Variants in TMEM117 observed in about 807,000 individuals in gnomAD.
The protein encoded by TMEM117 is transmembrane protein 117.
Under a neutral mutation model 52.4 loss-of-function variants are expected in TMEM117, and 27 were observed. The observed-to-expected ratio is 0.51, with a 90% CI of 0.38 to 0.71. TMEM117 has a LOEUF of 0.71. TMEM117 is among the 30% of genes least tolerant of loss of function. TMEM117 has a pLI of 0.00. For missense variants in TMEM117, 556 were observed against 630.5 expected, an observed-to-expected ratio of 0.88 and a Z score of 1.26; for synonymous variants, 215 against 206.3, an observed-to-expected ratio of 1.04 and a Z score of -0.36.
chr12:43,867,111 A>G (rs1943615349), intron 2 of TMEM117, among the ~76,000 whole-genome samples: 1 of 152,190 alleles, frequency 6.6e-6, no homozygotes, highest in Non-Finnish European at 1.5e-5. Context: ...AAAAAAAGAA[A>G]AGACAACAAT....
At chr12:44,032,799 G>A (rs1026819031) in intron 3 of TMEM117, among the ~76,000 whole-genome samples, 3 of 152,126 alleles carry the variant, frequency 2.0e-5, no homozygotes, top group Non-Finnish European at 4.4e-5. Context: ...CCCTAATAGT[G>A]AGGTAGGAAT....
chr12:43,816,606 G>T, the TMEM117 span, among the ~76,000 whole-genome samples: 5 of 152,222 alleles, frequency 3.3e-5, no homozygotes, highest in Admixed American at 3.3e-4. Context: ...TGGCAGAACA[G>T]GGATTTTGAT....
chr12:44,296,754 C>A (rs781679642), intron 5 of TMEM117, among the ~76,000 whole-genome samples: 9 of 152,280 alleles, frequency 5.9e-5, no homozygotes, highest in Non-Finnish European at 7.4e-5. Flanking sequence ...AATTACAGGG[C>A]CTCTTTATGG....
rs74450261 is a variant in TMEM117, at chr12:44,120,044, A to C, written c.411-23481A>C. ...AATGGGAACTTTAGGCCTTGAAGAG[A>C]GAGAGAACTCAAAGGAGAGGTTAGA... On this transcript the variant is annotated intron_variant, in intron 3 of 7. Coordinates refer to ENST00000266534, the MANE Select transcript of TMEM117 (RefSeq NM_032256.3). 1.4e-3 allele frequency among the ~76,000 whole-genome samples: 211 copies of C among 152,210 alleles called. 3 individuals are homozygous for C. The East Asian group carries it at 0.033, about 24-fold the overall frequency.
intron 5 of TMEM117, among the ~76,000 whole-genome samples, chr12:44,222,824 C>T (rs1949806500): frequency 1.3e-5 from 2 of 152,092 alleles, no homozygotes; most frequent in South Asian, 4.2e-4. Flanking sequence ...AACAGAATCC[C>T]CATTACATCT....
downstream of TMEM117, among the ~76,000 whole-genome samples, chr12:44,390,724 T>C (rs1952157467): frequency 6.6e-6 from 1 of 152,130 alleles, no homozygotes; most frequent in Non-Finnish European, 1.5e-5. Context: ...AAACAAGACT[T>C]CAGCCTTCTA....
the TMEM117 span, among the ~76,000 whole-genome samples, chr12:43,824,848 C>T: frequency 3.3e-5 from 5 of 152,292 alleles, no homozygotes; most frequent in Admixed American, 3.3e-4. Context: ...ATGGTGTGAA[C>T]CCGGGAGGCG....
intron 3 of TMEM117, among the ~76,000 whole-genome samples, chr12:44,029,850 C>T (rs56081380): frequency 0.095 from 14,380 of 152,050 alleles, 1,010 homozygotes; most frequent in African/African-American, 0.2. Context: ...AACTTTGCTG[C>T]AGTTCCCTGA....
chr12:44,342,876 T>C (rs528968200), intron 6 of TMEM117, among the ~76,000 whole-genome samples: 6 of 152,080 alleles, frequency 3.9e-5, no homozygotes, highest in Non-Finnish European at 7.4e-5. Context: ...TGTTTTTGTT[T>C]TTGTTTCTGA....
At chr12:44,045,304 T>TA (rs1319896192) in intron 3 of TMEM117, among the ~76,000 whole-genome samples, 3 of 152,168 alleles carry the variant, frequency 2.0e-5, no homozygotes, top group African/African-American at 7.2e-5. Context: ...GAGCCCTTGA[T>TA]ATGGCACCAT....
intron 2 of TMEM117, among the ~76,000 whole-genome samples, chr12:43,907,722 G>A (rs370067697): frequency 7.2e-5 from 11 of 151,890 alleles, no homozygotes; most frequent in South Asian, 4.2e-4. Context: ...GAGCTGATGC[G>A]ATCAACTGGA....
intron 2 of TMEM117, among the ~76,000 whole-genome samples, chr12:43,851,117 A>G (rs1000181993): frequency 1.3e-5 from 2 of 152,070 alleles, no homozygotes; most frequent in Admixed American, 6.6e-5. Context: ...TCCTTCATTT[A>G]TTTTGTTATG....
chr12:44,318,977 C>A (rs1046791027), intron 6 of TMEM117, among the ~76,000 whole-genome samples: 1 of 152,206 alleles, frequency 6.6e-6, no homozygotes, highest in Non-Finnish European at 1.5e-5. Context: ...CAAGCTAGGC[C>A]TGGCTACAAG....
chr12:44,223,012 CT>C (rs995373305), intron 5 of TMEM117, among the ~76,000 whole-genome samples: 3 of 148,142 alleles, frequency 2.0e-5, no homozygotes, highest in African/African-American at 7.5e-5. Flanking sequence ...AATTCAAAAA[CT>C]TTTCCTTTTT....
chr12:44,243,289 G>T (rs114428518), intron 5 of TMEM117, among the ~76,000 whole-genome samples: 1 of 151,716 alleles, frequency 6.6e-6, no homozygotes, highest in African/African-American at 2.4e-5. Flanking sequence ...ATCAGATTTA[G>T]GTCAGAATAG....
chr12:44,028,943 T>C (rs574975130), intron 3 of TMEM117, among the ~76,000 whole-genome samples: 10 of 152,148 alleles, frequency 6.6e-5, no homozygotes, highest in Middle Eastern at 3.4e-3. Context: ...TAACTTTGGG[T>C]AAGTGGTGGG....
intron 6 of TMEM117, among the ~76,000 whole-genome samples, chr12:44,341,969 C>T (rs994146210): frequency 3.9e-5 from 6 of 152,108 alleles, no homozygotes; most frequent in South Asian, 2.1e-4. Flanking sequence ...ATTGTCAGAT[C>T]GAATAAGGGA....
At chr12:44,150,978 T>C (rs2138221221) in intron 4 of TMEM117, among the ~76,000 whole-genome samples, 1 of 152,238 alleles carries the variant, frequency 6.6e-6, no homozygotes, top group East Asian at 1.9e-4. Flanking sequence ...AATAATTCCA[T>C]AGTATGTGAT....
chr12:44,271,706 C>A (rs1400180997), intron 5 of TMEM117, among the ~76,000 whole-genome samples: 1 of 151,852 alleles, frequency 6.6e-6, no homozygotes, highest in Non-Finnish European at 1.5e-5. Flanking sequence ...TCAAGATGAT[C>A]AAAACACAGG....
Sources: gnomAD v4.1 joint callset for allele counts (sites outside exome capture counted in the v4.1 genomes callset) on GRCh38, gnomAD v4.1.1 for gene constraint, MANE v1.5 for transcripts, NCBI Gene and HGNC (gene_info 2026-07-23, HGNC 2026-07-21) for gene names.